The following PCCA variants were observed in gnomAD, a reference collection of about 807,000 sequenced individuals.
The protein encoded by PCCA is propionyl-CoA carboxylase alpha chain, mitochondrial.
A neutral mutation model predicts 101.3 loss-of-function variants in PCCA; 74 were observed. The ratio of observed to expected loss-of-function variants is 0.73; its 90% CI spans 0.61 to 0.89. PCCA has a LOEUF of 0.89. PCCA is among the 40% of genes least tolerant of loss of function. The pLI, the probability that PCCA is intolerant of heterozygous loss-of-function variation, is 0.00. For synonymous variants in PCCA, 294 were observed against 313.6 expected (o/e 0.94, Z 0.66); for missense variants, 891 against 907.0 (o/e 0.98, Z 0.23).
intron 21 of PCCA, among the ~76,000 whole-genome samples, chr13:100,475,402 G>A (rs2152960246): frequency 6.6e-6 from 1 of 152,276 alleles, no homozygotes; most frequent in East Asian, 1.9e-4. Flanking sequence ...CATTTCTTAG[G>A]AAAGGAATCA....
At chr13:100,497,962 C>T (rs1041026726) in intron 21 of PCCA, among the ~76,000 whole-genome samples, 4 of 152,030 alleles carry the variant, frequency 2.6e-5, no homozygotes, top group African/African-American at 4.8e-5. Context: ...TTCGAACTAC[C>T]GGGCTCAGTT....
chr13:100,426,501 A>G (rs921332121), intron 20 of PCCA, among the ~76,000 whole-genome samples: 1 of 152,146 alleles, frequency 6.6e-6, no homozygotes, highest in African/African-American at 2.4e-5. Flanking sequence ...GGTTTTAAAA[A>G]CCTTGAGAAA....
At chr13:100,172,969 G>A (rs1252496911) in intron 6 of PCCA, among the ~76,000 whole-genome samples, 1 of 151,886 alleles carries the variant, frequency 6.6e-6, no homozygotes, top group African/African-American at 2.4e-5. Flanking sequence ...GCTTGTTGTG[G>A]CACAACACAA....
chr13:100,367,634 G>GTTTTTTTTTTTTTTTTTTTTT (rs1211539910), intron 18 of PCCA, among the ~76,000 whole-genome samples: 1 of 134,902 alleles, frequency 7.4e-6, no homozygotes, highest in African/African-American at 3.0e-5. Context: ...AATAAGTATA[G>GTTTTTTTTTTTTTTTTTTTTT]TTTTTTTTTT....
At chr13:100,124,296 A>G (rs1410359598) in intron 4 of PCCA, among the ~76,000 whole-genome samples, 1 of 152,194 alleles carries the variant, frequency 6.6e-6, no homozygotes, top group Admixed American at 6.5e-5. Context: ...AATTGAACCT[A>G]TCTATACATA....
At chr13:100,465,243 C>T (rs1349137661) in intron 21 of PCCA, among the ~76,000 whole-genome samples, 2 of 152,096 alleles carry the variant, frequency 1.3e-5, no homozygotes, top group Non-Finnish European at 2.9e-5. Context: ...ATATTTTGAA[C>T]ATTAATGTAG....
At chr13:100,215,724 G>A (rs982772836) in intron 7 of PCCA, among the ~76,000 whole-genome samples, 9 of 151,660 alleles carry the variant, frequency 5.9e-5, no homozygotes, top group South Asian at 2.1e-4. Flanking sequence ...TGTAACCTCC[G>A]TCCACCCTGG....
At chr13:100,403,783 C>A (rs1424364100) in intron 19 of PCCA, among the ~76,000 whole-genome samples, 1 of 152,118 alleles carries the variant, frequency 6.6e-6, no homozygotes, top group African/African-American at 2.4e-5. Flanking sequence ...GTGCTTCCTG[C>A]CTGCAGCTTG....
At chr13:100,415,239 CAAAA>C (rs11308074) in intron 19 of PCCA, among the ~76,000 whole-genome samples, 2 of 123,136 alleles carry the variant, frequency 1.6e-5, no homozygotes, top group Admixed American at 8.4e-5. Context: ...CACACCTCTA[CAAAA>C]AAAAAAAAAA....
intron 12 of PCCA, among the ~76,000 whole-genome samples, chr13:100,284,715 G>T (rs920205636): frequency 6.6e-6 from 1 of 152,160 alleles, no homozygotes; most frequent in East Asian, 1.9e-4. Flanking sequence ...TCACGGTTCT[G>T]GACCTCAAGG....
intron 10 of PCCA, among the ~76,000 whole-genome samples, chr13:100,267,245 G>A (rs1364437740): frequency 6.6e-6 from 1 of 152,140 alleles, no homozygotes; most frequent in Non-Finnish European, 1.5e-5. Context: ...GAGGTTGAGA[G>A]TTATTTTAAT....
chr13:100,275,400 A>G (rs574976935), intron 12 of PCCA, among the ~76,000 whole-genome samples: 2 of 152,214 alleles, frequency 1.3e-5, no homozygotes, highest in South Asian at 2.1e-4. Context: ...GCCGTGGGGA[A>G]GCTGATGTTC....
At chr13:100,219,167 T>TGTG (rs2152494438) in intron 7 of PCCA, among the ~76,000 whole-genome samples, 1 of 152,280 alleles carries the variant, frequency 6.6e-6, no homozygotes, top group South Asian at 2.1e-4. Flanking sequence ...CCTTTTTGTT[T>TGTG]TAGACATTTG....
At chr13:100,463,104 G>C (rs1261784472) in intron 21 of PCCA, among the ~76,000 whole-genome samples, 1 of 152,160 alleles carries the variant, frequency 6.6e-6, no homozygotes, top group Non-Finnish European at 1.5e-5. Context: ...AATTAATAAA[G>C]GCGCAGAGGT....
intron 12 of PCCA, among the ~76,000 whole-genome samples, chr13:100,300,132 T>C (rs1223429944): frequency 6.6e-6 from 1 of 152,254 alleles, no homozygotes; most frequent in Non-Finnish European, 1.5e-5. Context: ...AGAGTCTTGG[T>C]TCTTACAAAA....
chr13:100,376,355 C>A (rs2152822055), intron 19 of PCCA, among the ~76,000 whole-genome samples: 1 of 152,194 alleles, frequency 6.6e-6, no homozygotes, highest in East Asian at 1.9e-4. Context: ...GGCAGTCTGT[C>A]CGTTAACAGA....
At chr13:100,140,625 A>G (rs1416988841) in intron 4 of PCCA, among the ~76,000 whole-genome samples, 1 of 152,188 alleles carries the variant, frequency 6.6e-6, no homozygotes, top group East Asian at 1.9e-4. Context: ...CCACTTGTTT[A>G]TAGTAATTTG....
intron 4 of PCCA, among the ~76,000 whole-genome samples, chr13:100,124,691 A>G (rs2049777225): frequency 1.3e-5 from 2 of 152,184 alleles, no homozygotes; most frequent in African/African-American, 2.4e-5. Flanking sequence ...GATCAGGTAA[A>G]TGGAAATGGA....
intron 19 of PCCA, among the ~76,000 whole-genome samples, chr13:100,409,195 C>T (rs770769952): frequency 3.9e-5 from 6 of 152,230 alleles, no homozygotes; most frequent in South Asian, 2.1e-4. Context: ...GAGCAGCAGG[C>T]GGTGGGGGCA....
Sources: allele counts gnomAD v4.1 joint callset (sites outside exome capture counted in the v4.1 genomes callset), GRCh38; gene constraint gnomAD v4.1.1; transcripts MANE v1.5; gene names NCBI Gene and HGNC (gene_info 2026-07-23, HGNC 2026-07-21).